The following ZC3H4 variants were observed in gnomAD, a reference collection of about 807,000 sequenced individuals.
ZC3H4 encodes the protein zinc finger CCCH domain-containing protein 4.
A neutral mutation model predicts 108.3 loss-of-function variants in ZC3H4; 13 were observed. That is an observed-to-expected ratio of 0.12 (90% CI 0.08 to 0.19). The LOEUF is 0.19. Among genes scored for constraint, ZC3H4 ranks in the 10% least tolerant of loss-of-function variants. The pLI is 1.00. For missense variants in ZC3H4, 1,734 were observed against 1,838.8 expected, an observed-to-expected ratio of 0.94 and a Z score of 1.04; for synonymous variants, 917 against 749.6, an observed-to-expected ratio of 1.22 and a Z score of -3.65.
intron 2 of ZC3H4, among the ~76,000 whole-genome samples, chr19:47,111,934 A>G (rs910165532): frequency 5.3e-5 from 8 of 152,040 alleles, no homozygotes; most frequent in Non-Finnish European, 8.8e-5. Flanking sequence ...AACCCCTAAG[A>G]GCGGGGCTGT....
Position 47,082,292 on chromosome 19 carries a change from C to G in ZC3H4, c.1222G>C (p.Asp408His). 6.2e-7 allele frequency: 1 copy of G among 1,611,312 alleles called. No individual in the cohort carries two copies. The highest frequency in any genetic ancestry group is 1.3e-5 in the African/African-American group (1 of 75,022). ...ATGTCATGGCTAAAATTACAGTGGT[C>G]TCCCTAGAAGAGAAGCAACAAAAAC... ...YFVEGRCTWGDHCNFSHDIEL... is the reference protein window; with the variant it reads ...YFVEGRCTWGHHCNFSHDIEL... Residue 408 changes from aspartate (D) to histidine (H), a missense_variant, in exon 10 of 15, where the codon GAC (aspartate) becomes CAC (histidine). Asp to His is a moderately conservative substitution (Grantham distance 81). Transcript: ENST00000253048.
rs1215370297 is a variant in ZC3H4 at position 47,067,166 on chromosome 19, G to C, written c.3102C>G (p.Ser1034Arg). 1.2e-6 allele frequency: 2 copies of C among 1,611,792 alleles called. No individual in the cohort carries two copies. Among genetic ancestry groups the C allele is most frequent in the Non-Finnish European group, 1.7e-6 (2 of 1,178,790 alleles). Residue 1034 changes from serine (S) to arginine (R), a missense_variant, in exon 15 of 15, where the codon AGC becomes AGG. By Grantham distance (110) the Ser-to-Arg change is moderately radical. Around this residue, in one of 9 missense-constraint regions of ZC3H4, gnomAD observed 518 missense variants for 499.6 expected, o/e 1.04. Transcript: ENST00000253048. This position sits in a 1 kb window ranked among gnomAD's most constrained non-coding sequence, Gnocchi z 6.4. ...AGTCGGGGAGGTTGGCGCCCTGTGT[G>C]CTGGAATCCGTGGAGGCGCCCGGGC... is the stretch of plus-strand genomic sequence containing the variant. ...RQRPGASTDS[S>R]TQGANLPDFE...
At chr19:47,101,264 G>A (rs113937438) in intron 2 of ZC3H4, among the ~76,000 whole-genome samples, 2,836 of 152,102 alleles carry the variant, frequency 0.019, 96 homozygotes, top group African/African-American at 0.065. Context: ...CAGCCAGGAG[G>A]TCGAGGCTGC....
chr19:47,078,872 CAAAA>C (rs2122799709), intron 11 of ZC3H4, among the ~76,000 whole-genome samples: 1 of 151,778 alleles, frequency 6.6e-6, no homozygotes, highest in African/African-American at 2.4e-5. Flanking sequence ...AACAAACAAA[CAAAA>C]ATTAGCCGGG....
intron 5 of ZC3H4, among the ~76,000 whole-genome samples, chr19:47,087,865 C>T (rs2057659479): frequency 6.6e-6 from 1 of 151,798 alleles, no homozygotes; most frequent in African/African-American, 2.4e-5. Context: ...CAGAGTGAGA[C>T]TCTGTCTCAA....
At chr19:47,105,804 C>A (rs1479163324) in intron 2 of ZC3H4, among the ~76,000 whole-genome samples, 1 of 152,206 alleles carries the variant, frequency 6.6e-6, no homozygotes, top group Non-Finnish European at 1.5e-5. Context: ...TGCTTTTTCT[C>A]TCCTCTTCCA....
rs960148347 is a variant in ZC3H4, at chr19:47,066,704, G to C, written c.3564C>G (p.Pro1188=). ...GKSSASKAKE[P]PFVRKSALEQ... ...CCAGGGCAGACTTGCGGACGAACGGGGGCTCCTTAGCCTTGGAGGCCGAGC... is the reference window on the plus strand; with the variant it reads ...CCAGGGCAGACTTGCGGACGAACGGCGGCTCCTTAGCCTTGGAGGCCGAGC... Residue 1188 remains proline (P), a synonymous_variant, in exon 15 of 15, where the codon CCC becomes CCG. Transcript: ENST00000253048. 2 of 1,609,116 alleles carry C rather than the reference G, an allele frequency of 1.2e-6. No individual in the cohort carries two copies. The highest frequency in any genetic ancestry group is 2.7e-5 in the African/African-American group (2 of 74,910).
chr19:47,082,037 G>A (rs558306678), intron 10 of ZC3H4, 147 bp downstream of exon 10: 3 of 709,508 alleles, frequency 4.2e-6, no homozygotes, highest in African/African-American at 1.7e-5. Flanking sequence ...GAGGGCGGAC[G>A]TGAGTGTTAA....
rs1415138786 is a variant in ZC3H4, at chr19:47,085,933, G to A, written c.870+451C>T. ...GGCTGGAGTGCAGTGGTGCGATCTCGGCTCACTGCAACCTCCACCTCCCGG... is the reference window on the plus strand; with the variant it reads ...GGCTGGAGTGCAGTGGTGCGATCTCAGCTCACTGCAACCTCCACCTCCCGG... On this transcript the variant is annotated intron_variant, in intron 6 of 14. Transcript: ENST00000253048. 3.3e-5 allele frequency among the ~76,000 whole-genome samples: 5 copies of A among 151,940 alleles called. No homozygotes were observed. The East Asian group carries it at 5.8e-4, about 18-fold the overall frequency.
intron 11 of ZC3H4, among the ~76,000 whole-genome samples, chr19:47,077,122 T>C (rs1400935115): frequency 6.6e-6 from 1 of 151,916 alleles, no homozygotes; most frequent in Admixed American, 6.6e-5. Context: ...ACTGCACTAC[T>C]GCACTCCAGC....
intron 2 of ZC3H4, among the ~76,000 whole-genome samples, chr19:47,111,266 C>G (rs1358822164): frequency 6.6e-6 from 1 of 152,212 alleles, no homozygotes; most frequent in Non-Finnish European, 1.5e-5. Context: ...TCCTTCTGCT[C>G]GAGCAGGGGA....
At chr19:47,089,396 C>T (rs551147336) in intron 5 of ZC3H4, among the ~76,000 whole-genome samples, 3 of 152,000 alleles carry the variant, frequency 2.0e-5, no homozygotes, top group East Asian at 1.9e-4. Flanking sequence ...AGGCTGGTCT[C>T]GAACTCCTGA....
At chr19:47,087,914 C>G (rs1002022095) in intron 5 of ZC3H4, among the ~76,000 whole-genome samples, 2 of 152,092 alleles carry the variant, frequency 1.3e-5, no homozygotes, top group Admixed American at 6.6e-5. Flanking sequence ...TGGCTCACGC[C>G]TGTAATCCCA....
intron 4 of ZC3H4, among the ~76,000 whole-genome samples, chr19:47,092,761 G>A (rs924901096): frequency 2.6e-5 from 4 of 151,930 alleles, no homozygotes; most frequent in South Asian, 2.1e-4. Context: ...AAGTTGCAGT[G>A]AACCGAGATT....
At position 47,097,578 on chromosome 19, in the gene ZC3H4, G is replaced by C. The variant is rs1001977177; in HGVS notation, c.162-2970C>G. 4.6e-5 allele frequency among the ~76,000 whole-genome samples: 7 copies of C among 152,134 alleles called. No individual in the cohort carries two copies. In the East Asian group the frequency reaches 1.3e-3, roughly 29 times the overall value. The stretch of plus-strand genomic sequence containing the variant: ...ACAGAAAGCAAAAAGAAAGGAAGTC[G>C]AGCCAAATGGGAATCCCGTGGGCCA... On this transcript the variant is annotated intron_variant, in intron 2 of 14. Transcript: ENST00000253048.
Position 47,067,038 on chromosome 19 carries a change from G to C in ZC3H4, c.3230C>G (p.Pro1077Arg), listed in dbSNP as rs777886540. The change falls in exon 15 of 15, where the codon CCC becomes CGC. Residue 1077 changes from proline to arginine, a missense_variant. This residue lies in a region of ZC3H4 where 518 missense variants were observed against 499.6 expected (regional missense o/e 1.04). Coordinates refer to ENST00000253048, the MANE Select transcript of ZC3H4 (RefSeq NM_015168.2). The surrounding 1 kb of genome is among the most constrained non-coding windows in gnomAD (Gnocchi z 6.4). ...GGGTTTCTGCAGCCGAGGGTCGGTGGGGGCCTTCCGCACCCGGGGGTCACT... is the reference window on the plus strand; with the variant it reads ...GGGTTTCTGCAGCCGAGGGTCGGTGCGGGCCTTCCGCACCCGGGGGTCACT... Reference protein sequence around the residue: ...KPSDPRVRKAPTDPRLQKPTD... With the variant: ...KPSDPRVRKARTDPRLQKPTD... The C allele has an allele frequency of 1.1e-5, 18 of 1,604,420 alleles. No homozygotes were observed. Among genetic ancestry groups the C allele is most frequent in the Non-Finnish European group, 1.5e-5 (18 of 1,175,306 alleles).
At chr19:47,102,206 G>A (rs1239927409) in intron 2 of ZC3H4, among the ~76,000 whole-genome samples, 2 of 152,134 alleles carry the variant, frequency 1.3e-5, no homozygotes, top group Admixed American at 6.6e-5. Context: ...GAGACAAGAA[G>A]GAATTTGCCC....
chr19:47,076,732 C>T (rs1234698027), intron 11 of ZC3H4, among the ~76,000 whole-genome samples: 6 of 152,148 alleles, frequency 3.9e-5, no homozygotes, highest in Non-Finnish European at 8.8e-5. Context: ...CAGTGGCTCA[C>T]ACCTGTAATC....
intron 4 of ZC3H4, among the ~76,000 whole-genome samples, chr19:47,091,101 G>GCAA (rs112489192): frequency 0.012 from 1,846 of 151,662 alleles, 23 homozygotes; most frequent in South Asian, 0.038. Context: ...ATGCAAAAAT[G>GCAA]CAACAACAAC....
Sources: gnomAD v4.1 joint callset for allele counts (sites outside exome capture counted in the v4.1 genomes callset) on GRCh38, gnomAD v4.1.1 for gene constraint, gnomAD v4.1.1 regional missense constraint, Gnocchi (gnomAD v3.1) non-coding constraint, MANE v1.5 for transcripts, NCBI Gene and HGNC (gene_info 2026-07-23, HGNC 2026-07-21) for gene names.